RPS6KC1: variants seen among roughly 807,000 people sequenced by gnomAD.
The protein encoded by RPS6KC1 is inactive ribosomal protein S6 kinase delta-1.
Under a neutral mutation model 103.8 loss-of-function variants are expected in RPS6KC1, and 54 were observed. The ratio of observed to expected loss-of-function variants is 0.52; its 90% CI spans 0.42 to 0.65. The LOEUF is 0.65. Ranked by LOEUF, RPS6KC1 falls within the 30% of genes least tolerant of loss-of-function variation. RPS6KC1 has a pLI of 0.00. For missense variants in RPS6KC1, 1,151 were observed against 1,253.8 expected, an observed-to-expected ratio of 0.92 and a Z score of 1.24; for synonymous variants, 439 against 438.7, an observed-to-expected ratio of 1.00 and a Z score of -0.01.
intron 10 of RPS6KC1, among the ~76,000 whole-genome samples, chr1:213,235,406 G>A (rs1456944157): frequency 1.3e-5 from 2 of 152,100 alleles, no homozygotes; most frequent in Admixed American, 1.3e-4. Flanking sequence ...TATGACAGAT[G>A]GAGGTAAATA....
the RPS6KC1 span, among the ~76,000 whole-genome samples, chr1:213,456,560 A>G: frequency 6.6e-6 from 1 of 152,122 alleles, no homozygotes; most frequent in Admixed American, 6.6e-5. Flanking sequence ...CTGCCACATG[A>G]AGGTCCCAGT....
the RPS6KC1 span, among the ~76,000 whole-genome samples, chr1:213,651,025 C>T: frequency 6.6e-6 from 1 of 151,502 alleles, no homozygotes; most frequent in Non-Finnish European, 1.5e-5. Context: ...CTGGCTGAAG[C>T]CCAGAAGCTG....
At chr1:213,535,241 A>T in the RPS6KC1 span, among the ~76,000 whole-genome samples, 1 of 152,250 alleles carries the variant, frequency 6.6e-6, no homozygotes, top group Admixed American at 6.5e-5. Context: ...TGAGTGGAGC[A>T]GAATAAAACT....
the RPS6KC1 span, among the ~76,000 whole-genome samples, chr1:213,712,756 G>A: frequency 6.6e-6 from 1 of 152,178 alleles, no homozygotes; most frequent in Non-Finnish European, 1.5e-5. Context: ...GCTTCCCTGG[G>A]CTTGGGGAGG....
At chr1:213,162,458 T>A (rs931882328) in intron 6 of RPS6KC1, among the ~76,000 whole-genome samples, 15 of 152,044 alleles carry the variant, frequency 9.9e-5, no homozygotes, top group African/African-American at 2.7e-4. Context: ...TTAAAAAAAA[T>A]TTTTTGTAAA....
At chr1:213,206,201 T>A (rs745884931) in intron 8 of RPS6KC1, among the ~76,000 whole-genome samples, 3 of 152,208 alleles carry the variant, frequency 2.0e-5, no homozygotes, top group Non-Finnish European at 4.4e-5. Flanking sequence ...AACCTTTAAG[T>A]AATTTTGAAA....
At position 213,140,427 on chromosome 1, in the gene RPS6KC1, G is replaced by A. The variant is rs12125821; in HGVS notation, c.835+10538G>A. Among the ~76,000 whole-genome samples, 98 of 152,190 alleles carry A rather than the reference G, an allele frequency of 6.4e-4. 1 individual carries two copies. The highest frequency in any genetic ancestry group is 1.1e-3 in the Non-Finnish European group (73 of 68,032). On this transcript the variant is annotated intron_variant, in intron 6 of 14. Transcript: ENST00000366960. ...TTTGTCTTGTTCTGGTTCTCAAGGG[G>A]AATGCTTCCAGCATTTGTCCATTCT... is the stretch of plus-strand genomic sequence containing the variant.
the RPS6KC1 span, among the ~76,000 whole-genome samples, chr1:213,717,619 G>C: frequency 6.6e-6 from 1 of 152,204 alleles, no homozygotes; most frequent in Non-Finnish European, 1.5e-5. Context: ...CATCTTCTGA[G>C]TCATGGCAGC....
At chr1:213,413,691 A>C in the RPS6KC1 span, among the ~76,000 whole-genome samples, 2 of 152,238 alleles carry the variant, frequency 1.3e-5, no homozygotes, top group African/African-American at 4.8e-5. Flanking sequence ...TGCAAAGCAG[A>C]AGGTGGTATC....
intron 8 of RPS6KC1, among the ~76,000 whole-genome samples, chr1:213,189,830 CCTT>C (rs2092686033): frequency 6.6e-6 from 1 of 152,174 alleles, no homozygotes. Context: ...TGGTAACCAT[CCTT>C]CTACTCTCTG....
intron 3 of RPS6KC1, among the ~76,000 whole-genome samples, chr1:213,079,070 A>AT (rs1037548015): frequency 6.6e-6 from 1 of 151,934 alleles, no homozygotes; most frequent in African/African-American, 2.4e-5. Flanking sequence ...CAGTATATAT[A>AT]TTTTTTCTTT....
chr1:213,844,261 C>T, the RPS6KC1 span, among the ~76,000 whole-genome samples: 1 of 152,114 alleles, frequency 6.6e-6, no homozygotes, highest in Non-Finnish European at 1.5e-5. Flanking sequence ...TAGTAACTCT[C>T]CTAATGGCTT....
At chr1:213,716,972 G>A in the RPS6KC1 span, among the ~76,000 whole-genome samples, 1 of 152,168 alleles carries the variant, frequency 6.6e-6, no homozygotes, top group Non-Finnish European at 1.5e-5. Context: ...GCAGAGATAA[G>A]AGAAAACCCA....
At chr1:213,368,921 A>G in the RPS6KC1 span, among the ~76,000 whole-genome samples, 1 of 152,250 alleles carries the variant, frequency 6.6e-6, no homozygotes, top group African/African-American at 2.4e-5. Context: ...AGTATCTCCA[A>G]ATCAACACCT....
At chr1:213,610,654 T>G in the RPS6KC1 span, among the ~76,000 whole-genome samples, 2 of 152,222 alleles carry the variant, frequency 1.3e-5, no homozygotes, top group Non-Finnish European at 2.9e-5. Flanking sequence ...AAGGTGATTA[T>G]AGTCTGGAAC....
the RPS6KC1 span, among the ~76,000 whole-genome samples, chr1:213,324,966 C>G: frequency 6.6e-6 from 1 of 152,224 alleles, no homozygotes; most frequent in South Asian, 2.1e-4. Flanking sequence ...TGCTCCCAGC[C>G]TCATTATCGC....
chr1:213,706,875 A>G, the RPS6KC1 span, among the ~76,000 whole-genome samples: 17 of 152,176 alleles, frequency 1.1e-4, no homozygotes, highest in Non-Finnish European at 2.5e-4. Flanking sequence ...AAAGGACATG[A>G]ACTCATCCTT....
In RPS6KC1 at chr1:213,262,778, G is replaced by C. The variant is rs747667208; in HGVS notation, c.3052G>C (p.Glu1018Gln). 1.6e-5 allele frequency: 26 copies of C among 1,613,220 alleles called. No individual in the cohort carries two copies. The African/African-American group carries it at 3.1e-4, about 19-fold the overall frequency. The change falls in exon 14 of 15, where the codon GAA (glutamate) becomes CAA (glutamine). Residue 1018 changes from glutamate to glutamine, a missense_variant. Glu to Gln is a conservative substitution (Grantham distance 29, BLOSUM62 2). Around this residue, in one of 3 missense-constraint regions of RPS6KC1, gnomAD observed 189 missense variants for 228.8 expected, o/e 0.83. Transcript: ENST00000366960. ...INTHTTLNMP[E>Q]CVSEEARSLI... is the part of the protein sequence containing the mutation. Reference sequence around the variant, plus strand: ...TACTCACACTACTTTGAACATGCCAGAATGTGTCTCTGAAGAGGCTCGCTC... The same window carrying C: ...TACTCACACTACTTTGAACATGCCACAATGTGTCTCTGAAGAGGCTCGCTC...
chr1:213,495,615 C>A, the RPS6KC1 span, among the ~76,000 whole-genome samples: 10 of 152,192 alleles, frequency 6.6e-5, no homozygotes, highest in African/African-American at 2.4e-4. Context: ...GCCACTGCAC[C>A]TGGCCCTAAT....
Sources: allele counts gnomAD v4.1 joint callset (sites outside exome capture counted in the v4.1 genomes callset), GRCh38; gene constraint gnomAD v4.1.1; regional missense constraint gnomAD v4.1.1; transcripts MANE v1.5; gene names NCBI Gene and HGNC (gene_info 2026-07-23, HGNC 2026-07-21).